The following ZDHHC7 variants were observed in gnomAD, a reference collection of about 807,000 sequenced individuals.
ZDHHC7 encodes zDHHC palmitoyltransferase 7, also known as palmitoyltransferase ZDHHC7.
ZDHHC7 carries 12 observed loss-of-function variants against 34.1 expected under a neutral mutation model. That is an observed-to-expected ratio of 0.35 (90% CI 0.23 to 0.57). ZDHHC7 has a LOEUF of 0.57. Among genes scored for constraint, ZDHHC7 ranks in the 20% least tolerant of loss-of-function variants. The pLI is 0.84. For missense variants in ZDHHC7, 388 were observed against 402.7 expected, an observed-to-expected ratio of 0.96 and a Z score of 0.31; for synonymous variants, 185 against 155.4, an observed-to-expected ratio of 1.19 and a Z score of -1.42.
chr16:85,022,043 C>A, the ZDHHC7 span, among the ~76,000 whole-genome samples: 1 of 151,300 alleles, frequency 6.6e-6, no homozygotes, highest in African/African-American at 2.4e-5. Context: ...GCCTGTAGTC[C>A]CAGCTACTCA....
chr16:85,000,706 C>G (rs1300630103), intron 1 of ZDHHC7, among the ~76,000 whole-genome samples: 1 of 152,186 alleles, frequency 6.6e-6, no homozygotes, highest in African/African-American at 2.4e-5. Flanking sequence ...CATGAACAGT[C>G]CACTCAATTC....
chr16:84,981,433 A>G (rs990257831), intron 4 of ZDHHC7, among the ~76,000 whole-genome samples: 7 of 152,252 alleles, frequency 4.6e-5, no homozygotes, highest in Non-Finnish European at 7.3e-5. Flanking sequence ...AAGTGAACGC[A>G]CAACAGCCTC....
intron 2 of ZDHHC7, among the ~76,000 whole-genome samples, chr16:84,992,403 G>C (rs1447255961): frequency 6.6e-6 from 1 of 152,106 alleles, no homozygotes; most frequent in African/African-American, 2.4e-5. Context: ...AACCCGGGGG[G>C]TGGAGGTTGC....
At position 84,976,159 on chromosome 16, in the gene ZDHHC7, G is replaced by C. The variant is rs2072294102; in HGVS notation, c.*184C>G. Reference sequence around the variant, plus strand: ...ACACCTTTCCGTTGTTGTACAGGTGGGGACTGAGAGCCTCTTCCTCTGCCA... The same window carrying C: ...ACACCTTTCCGTTGTTGTACAGGTGCGGACTGAGAGCCTCTTCCTCTGCCA... On this transcript the variant is annotated 3_prime_UTR_variant, in exon 8 of 8. Transcript: ENST00000313732. 2.7e-6 allele frequency: 2 copies of C among 741,128 alleles called. No homozygotes were observed. Among genetic ancestry groups the C allele is most frequent in the Middle Eastern group, 7.8e-4 (2 of 2,580 alleles). 45.9% of individuals were successfully genotyped at this position (741,128 alleles called of 1,614,324 possible).
At position 85,011,336 on chromosome 16, in the gene ZDHHC7, C is replaced by G. The variant is rs2072789187; in HGVS notation, c.-154G>C. On this transcript the variant is annotated 5_prime_UTR_variant, in exon 1 of 8. Coordinates refer to ENST00000313732, the MANE Select transcript of ZDHHC7 (RefSeq NM_017740.3). ...CGCTGCGGCTCCTCCCGGCCTGCGGCGGCGGCGGCGGCGACTGCAGCGGCC... is the reference window on the plus strand; with the variant it reads ...CGCTGCGGCTCCTCCCGGCCTGCGGGGGCGGCGGCGGCGACTGCAGCGGCC... The G allele has an allele frequency of 1.3e-5, 2 of 152,200 alleles. No individual in the cohort carries two copies. Among genetic ancestry groups the G allele is most frequent in the South Asian group, 3.5e-4 (2 of 5,650 alleles). 9.4% of individuals were successfully genotyped at this position (152,200 alleles called of 1,614,324 possible).
Position 84,990,445 on chromosome 16 carries a change from G to A in ZDHHC7, c.174C>T (p.Val58=), listed in dbSNP as rs376563479. 26 of 1,613,980 alleles carry A rather than the reference G, an allele frequency of 1.6e-5. No homozygotes were observed. The highest frequency in any genetic ancestry group is 1.3e-4 in the South Asian group (12 of 91,074). ...MICAVMTWLL[V]AYADFVVTFV... ...AAGTCACCACGAAGTCTGCATAGGC[G>A]ACCAGAAGCCACGTCATGACAGCAC... Residue 58 remains valine (V), a synonymous_variant, in exon 3 of 8, where the codon GTC becomes GTT. Transcript: ENST00000313732.
chr16:85,018,448 ATTCT>A, the ZDHHC7 span, among the ~76,000 whole-genome samples: 2 of 132,980 alleles, frequency 1.5e-5, no homozygotes, highest in African/African-American at 6.5e-5. Context: ...ACTTATTTGT[ATTCT>A]TTTTTTTTTT....
chr16:85,002,965 G>A (rs1336604477), intron 1 of ZDHHC7, among the ~76,000 whole-genome samples: 1 of 152,108 alleles, frequency 6.6e-6, no homozygotes, highest in Non-Finnish European at 1.5e-5. Flanking sequence ...CCCAGACAAT[G>A]CTGACACCTT....
intron 3 of ZDHHC7, among the ~76,000 whole-genome samples, chr16:84,986,137 G>A (rs192044392): frequency 6.6e-4 from 100 of 152,266 alleles, no homozygotes; most frequent in South Asian, 3.3e-3. Flanking sequence ...AGATTTAGGC[G>A]GGTTATCTGG....
At chr16:84,996,111 C>T (rs927281166) in intron 1 of ZDHHC7, 104 bp from the exon 2 acceptor site, 3 of 152,192 alleles carry the variant, frequency 2.0e-5, no homozygotes, top group African/African-American at 7.2e-5. Context: ...ACATTTGACG[C>T]ATCAAGTTCT....
chr16:84,997,063 A>G (rs2072588590), intron 1 of ZDHHC7, among the ~76,000 whole-genome samples: 1 of 151,776 alleles, frequency 6.6e-6, no homozygotes, highest in African/African-American at 2.4e-5. Context: ...ACGATTCATG[A>G]AAGAGCACAA....
At position 85,001,604 on chromosome 16, in the gene ZDHHC7, C is replaced by T. The variant is rs1193815631; in HGVS notation, c.-103-5597G>A. Among the ~76,000 whole-genome samples, 3 of 152,044 alleles carry T rather than the reference C, an allele frequency of 2.0e-5. No individual in the cohort carries two copies. The East Asian group carries it at 5.8e-4, about 29-fold the overall frequency. ...GGTTTAAGGAAGATACAAGCAGTTG[C>T]ATATGGAAATATCTACAGATATGTA... On this transcript the variant is annotated intron_variant, in intron 1 of 7. Coordinates refer to ENST00000313732, the MANE Select transcript of ZDHHC7 (RefSeq NM_017740.3).
chr16:85,010,147 G>A (rs1204838456), intron 1 of ZDHHC7, among the ~76,000 whole-genome samples: 2 of 150,182 alleles, frequency 1.3e-5, no homozygotes, highest in African/African-American at 4.9e-5. Flanking sequence ...AGCCTCCCAA[G>A]CAGCTGAGAC....
intron 2 of ZDHHC7, among the ~76,000 whole-genome samples, chr16:84,994,746 T>C (rs16975110): frequency 0.17 from 25,469 of 152,204 alleles, 2,566 homozygotes; most frequent in Admixed American, 0.29. Flanking sequence ...TAGGGTGACA[T>C]ATCATACTTG....
rs532176315 is a variant in ZDHHC7 at position 84,982,074 on chromosome 16, G to C, written c.316-80C>G. On this transcript the variant is annotated intron_variant, in intron 3 of 7. Transcript: ENST00000313732. ...AGGCCGGGCGCAGTGGGTCACACCT[G>C]TAATCCCAGCACTTTGGGAGGCTGA... 3 of 1,571,512 alleles carry C rather than the reference G, an allele frequency of 1.9e-6. No homozygotes were observed. In the South Asian group the frequency reaches 3.4e-5, roughly 18 times the overall value.
intron 4 of ZDHHC7, among the ~76,000 whole-genome samples, chr16:84,979,852 G>A (rs1029481778): frequency 6.6e-6 from 1 of 151,426 alleles, no homozygotes; most frequent in African/African-American, 2.4e-5. Context: ...TTTGATTATC[G>A]ATTACTTTTT....
chr16:84,981,730 C>A, intron 4 of ZDHHC7, 140 bp downstream of exon 4: 1 of 1,499,294 alleles, frequency 6.7e-7, no homozygotes, highest in Non-Finnish European at 9.0e-7. Context: ...GAACATGACA[C>A]CTACGGCCCC....
chr16:84,977,897 G>A lies in ZDHHC7; in HGVS notation c.619+27C>T, dbSNP rs368552266. On this transcript the variant is annotated intron_variant, in intron 6 of 7. Transcript: ENST00000313732. ...CATCCAATAACAGCATGCAAAGCCA[G>A]GAATGACACATAGCCAGGGAACTTA... is the stretch of plus-strand genomic sequence containing the variant. 18 of 1,582,996 alleles carry A rather than the reference G, an allele frequency of 1.1e-5. No homozygotes were observed. In the African/African-American group the frequency reaches 1.2e-4, roughly 11 times the overall value.
the ZDHHC7 span, among the ~76,000 whole-genome samples, chr16:85,018,510 C>T: frequency 5.9e-5 from 9 of 151,688 alleles, no homozygotes; most frequent in Middle Eastern, 3.4e-3. Context: ...TGCAATGGCA[C>T]GATCTCAGCT....
Sources: gnomAD v4.1 joint callset for allele counts (sites outside exome capture counted in the v4.1 genomes callset) on GRCh38, gnomAD v4.1.1 for gene constraint, MANE v1.5 for transcripts, NCBI Gene and HGNC (gene_info 2026-07-23, HGNC 2026-07-21) for gene names.